Variants in C17orf113 observed in about 807,000 individuals in gnomAD.
C17orf113 encodes the protein uncharacterized protein C17orf113.
Under a neutral mutation model 11.6 loss-of-function variants are expected in C17orf113, and 5 were observed. That is an observed-to-expected ratio of 0.43 (90% CI 0.23 to 0.91). The LOEUF (loss-of-function observed/expected upper bound fraction) is 0.91, where lower values mean the gene tolerates loss of function less well. Ranked by LOEUF, C17orf113 falls within the 40% of genes least tolerant of loss-of-function variation. The probability of loss-of-function intolerance (pLI) is 0.26; values close to 1 mark genes in which losing one functional copy is unlikely to be tolerated. For synonymous variants in C17orf113, 327 were observed against 390.6 expected (o/e 0.84, Z 1.92); for missense variants, 714 against 841.3 (o/e 0.85, Z 1.87).
Position 42,041,175 on chromosome 17 carries a change from A to G in C17orf113, c.558T>C (p.Ser186=), listed in dbSNP as rs2053010773. Residue 186 remains serine, a synonymous_variant, in exon 3 of 3, where the codon AGT becomes AGC. Coordinates refer to ENST00000587304, the MANE Select transcript of C17orf113 (RefSeq NM_001358661.2). The part of the protein sequence containing the change: ...RVRDMQVAIA[S]VLHTEACQRL... Reference sequence around the variant, plus strand: ...GCTGGCAGGCCTCTGTGTGCAAGACACTGGCAATGGCCACCTGGGACAGCC... The same window carrying G: ...GCTGGCAGGCCTCTGTGTGCAAGACGCTGGCAATGGCCACCTGGGACAGCC... The G allele has an allele frequency of 8.1e-7, 1 of 1,232,502 alleles. No homozygotes were observed. Among genetic ancestry groups the G allele is most frequent in the African/African-American group, 1.5e-5 (1 of 64,562 alleles). 76.3% of individuals were successfully genotyped at this position (1,232,502 alleles called of 1,614,324 possible).
Position 42,039,966 on chromosome 17 carries a change from C to T in C17orf113, c.1767G>A (p.Glu589=). Residue 589 remains glutamate, a synonymous_variant, in exon 3 of 3, where the codon GAG becomes GAA. Transcript: ENST00000587304. ...CGAAGTCGGGGAAGAGCTCGTGCAG[C>T]TCCGAGTGCGCGCACGCCAGCTGGG... is the stretch of plus-strand genomic sequence containing the variant. ...LCTQLACAHS[E]LHELFPDFAA... 3 of 1,231,108 alleles carry T rather than the reference C, an allele frequency of 2.4e-6. No homozygotes were observed. Among genetic ancestry groups the T allele is most frequent in the Non-Finnish European group, 3.0e-6 (3 of 987,506 alleles). 76.3% of individuals were successfully genotyped at this position (1,231,108 alleles called of 1,614,324 possible). A position where few individuals can be genotyped will look rare whatever the true frequency, so the allele number is the denominator to read the frequency against.
chr17:42,045,698 C>G (rs7225117), intron 1 of C17orf113, among the ~76,000 whole-genome samples: 118,473 of 152,116 alleles, frequency 0.78, 46,874 homozygotes, highest in South Asian at 0.86. Context: ...GGTATCACCT[C>G]GATCACTGCA....
intron 2 of C17orf113, among the ~76,000 whole-genome samples, chr17:42,041,426 C>T (rs1262367858): frequency 6.6e-6 from 1 of 152,186 alleles, no homozygotes; most frequent in East Asian, 1.9e-4. Flanking sequence ...ATCCTCCCAC[C>T]CCGGCCTCCC....
chr17:42,039,605 C>G lies in C17orf113; in HGVS notation c.*100G>C. On this transcript the variant is annotated 3_prime_UTR_variant, in exon 3 of 3. Coordinates refer to ENST00000587304, the MANE Select transcript of C17orf113 (RefSeq NM_001358661.2). Reference sequence around the variant, plus strand: ...ATGGCCTCAGGCCCCTGGGAGGCTGCAGTCAGCAGATCATCTTGGGTGCAG... The same window carrying G: ...ATGGCCTCAGGCCCCTGGGAGGCTGGAGTCAGCAGATCATCTTGGGTGCAG... 1 of 1,098,358 alleles carries G rather than the reference C, an allele frequency of 9.1e-7. No homozygotes were observed. The highest frequency in any genetic ancestry group is 1.2e-6 in the Non-Finnish European group (1 of 866,678). 68.0% of individuals were successfully genotyped at this position (1,098,358 alleles called of 1,614,324 possible).
rs1055105 is a variant in C17orf113, at chr17:42,038,334, C to T, written c.*1371G>A. 5.4e-3 allele frequency: 2,248 copies of T among 418,706 alleles called. 46 individuals are homozygous for T. The highest frequency in any genetic ancestry group is 0.043 in the African/African-American group (2,078 of 48,470). 25.9% of individuals were successfully genotyped at this position (418,706 alleles called of 1,614,324 possible). A position where few individuals can be genotyped will look rare whatever the true frequency, so the allele number is the denominator to read the frequency against. On this transcript the variant is annotated 3_prime_UTR_variant, in exon 3 of 3. Coordinates refer to ENST00000587304, the MANE Select transcript of C17orf113 (RefSeq NM_001358661.2). ...CTCACTCTCTAACTATCCTCCCTCC[C>T]TCCAGATCCCCAGGATTTCATGGCC...
chr17:42,043,105 A>G lies in C17orf113; in HGVS notation c.272T>C (p.Val91Ala). The G allele has an allele frequency of 8.1e-7, 1 of 1,232,218 alleles. No individual in the cohort carries two copies. Among genetic ancestry groups the G allele is most frequent in the Non-Finnish European group, 1.0e-6 (1 of 988,014 alleles). 76.3% of individuals were successfully genotyped at this position (1,232,218 alleles called of 1,614,324 possible). A position where few individuals can be genotyped will look rare whatever the true frequency, so the allele number is the denominator to read the frequency against. ...CTCAAAAGGGGGCTGGCCCTGGTTG[A>G]CAGCCAGAGCCTGGCGGTGGGCTCC... ...TSGAHRQALA[V>A]NQGQPPFEGQ... Residue 91 changes from valine (V) to alanine (A), a missense_variant, in exon 2 of 3, where the codon GTC becomes GCC. Transcript: ENST00000587304.
At chr17:42,046,333 C>T (rs1377821408) in intron 1 of C17orf113, among the ~76,000 whole-genome samples, 1 of 152,180 alleles carries the variant, frequency 6.6e-6, no homozygotes, top group African/African-American at 2.4e-5. Context: ...TGGCTCACAC[C>T]TGTAATCTCA....
rs1013816068 is a variant in C17orf113, at chr17:42,047,854, C to T, written c.-188+2703G>A. Among the ~76,000 whole-genome samples, 8 of 151,884 alleles carry T rather than the reference C, an allele frequency of 5.3e-5. No homozygotes were observed. In the South Asian group the frequency reaches 8.3e-4, roughly 16 times the overall value. ...ATTTTTAGTAGAGACAGGGTTTCAC[C>T]GTGTTGGTCAGGCTGGTCTCGAACT... On this transcript the variant is annotated intron_variant, in intron 1 of 2. Transcript: ENST00000587304.
In C17orf113 at chr17:42,043,369, G is replaced by A; in HGVS notation, c.8C>T (p.Pro3Leu). 4 of 1,232,224 alleles carry A rather than the reference G, an allele frequency of 3.2e-6. No homozygotes were observed. Among genetic ancestry groups the A allele is most frequent in the Non-Finnish European group, 4.0e-6 (4 of 988,044 alleles). 76.3% of individuals were successfully genotyped at this position (1,232,224 alleles called of 1,614,324 possible). Residue 3 changes from proline to leucine, a missense_variant, in exon 2 of 3, where the codon CCC (proline) becomes CTC (leucine). Transcript: ENST00000587304. MVPPGKKPAGEAS... is the reference protein window; with the variant it reads MVLPGKKPAGEAS... ...CTCTCCCGCTGGTTTCTTCCCTGGGGGCACCATTCTTGCTCTCTCAGCAAG... is the reference window on the plus strand; with the variant it reads ...CTCTCCCGCTGGTTTCTTCCCTGGGAGCACCATTCTTGCTCTCTCAGCAAG...
At chr17:42,044,526 G>A (rs544181368) in intron 1 of C17orf113, among the ~76,000 whole-genome samples, 1 of 151,602 alleles carries the variant, frequency 6.6e-6, no homozygotes, top group Non-Finnish European at 1.5e-5. Flanking sequence ...TGAGGCAGGA[G>A]AATCGCTTGA....
chr17:42,040,938 C>T lies in C17orf113; in HGVS notation c.795G>A (p.Lys265=). ...GGAGGCTTGAGCTGAGCCAGGCCAG[C>T]TTGGGTGCAGATACGCCGAAAGCCT... ...ILQAFGVSAP[K]LAWLSSSLPS... is the part of the protein sequence containing the mutation. The change falls in exon 3 of 3, where the codon AAG becomes AAA. Residue 265 remains lysine (K), a synonymous_variant. Transcript: ENST00000587304. The T allele has an allele frequency of 8.1e-7, 1 of 1,232,248 alleles. No homozygotes were observed. The highest frequency in any genetic ancestry group is 1.0e-6 in the Non-Finnish European group (1 of 988,012). The allele number at this position is 1,232,248 out of a possible 1,614,324, so 76.3% of individuals were successfully genotyped here.
In C17orf113 at chr17:42,039,978, G is replaced by A. The variant is rs2143638736; in HGVS notation, c.1755C>T (p.Cys585=). Residue 585 remains cysteine, a synonymous_variant, in exon 3 of 3, where the codon TGC becomes TGT. Coordinates refer to ENST00000587304, the MANE Select transcript of C17orf113 (RefSeq NM_001358661.2). ...AGAGCTCGTGCAGCTCCGAGTGCGC[G>A]CACGCCAGCTGGGTGCACAGGGCCC... ...GPRALCTQLA[C]AHSELHELFP... The A allele has an allele frequency of 3.2e-6, 4 of 1,231,030 alleles. No individual in the cohort carries two copies. Among genetic ancestry groups the A allele is most frequent in the Admixed American group, 4.2e-5 (1 of 23,700 alleles). The allele number at this position is 1,231,030 out of a possible 1,614,324, so 76.3% of individuals were successfully genotyped here.
At chr17:42,044,197 G>T (rs2053095442) in intron 1 of C17orf113, among the ~76,000 whole-genome samples, 1 of 145,082 alleles carries the variant, frequency 6.9e-6, no homozygotes, top group Non-Finnish European at 1.5e-5. Context: ...TCTAGTCCCA[G>T]CTACTGGGGA....
chr17:42,040,715 C>T lies in C17orf113; in HGVS notation c.1018G>A (p.Asp340Asn). ...CCTGCCAAGTCAATAGCTGCAAGGTCCAGTGCTGCCCGGAGCTCAGGGACC... is the reference window on the plus strand; with the variant it reads ...CCTGCCAAGTCAATAGCTGCAAGGTTCAGTGCTGCCCGGAGCTCAGGGACC... ...HLVPELRAAL[D>N]LAAIDLAGPR... Residue 340 changes from aspartate to asparagine, a missense_variant, in exon 3 of 3, where the codon GAC becomes AAC. This residue lies in a region of C17orf113 where 516 missense variants were observed against 626.6 expected (regional missense o/e 0.82). Coordinates refer to ENST00000587304, the MANE Select transcript of C17orf113 (RefSeq NM_001358661.2). 6 of 1,232,378 alleles carry T rather than the reference C, an allele frequency of 4.9e-6. No homozygotes were observed. The highest frequency in any genetic ancestry group is 4.0e-6 in the Non-Finnish European group (4 of 988,110). 76.3% of individuals were successfully genotyped at this position (1,232,378 alleles called of 1,614,324 possible).
chr17:42,049,109 G>A (rs1195419916), intron 1 of C17orf113, among the ~76,000 whole-genome samples: 1 of 152,042 alleles, frequency 6.6e-6, no homozygotes, highest in Non-Finnish European at 1.5e-5. Context: ...CTTCTCTCTG[G>A]GTTCCTCCAG....
In C17orf113 at chr17:42,042,909, C is replaced by A; in HGVS notation, c.468G>T (p.Arg156Ser). ...DRCSALLELQRFNLCQALLGT... is the reference protein window; with the variant it reads ...DRCSALLELQSFNLCQALLGT... Reference sequence around the variant, plus strand: ...CCAGCAGTGCCTGGCACAGGTTGAACCTCTGCAGCTCGAGCAGGGCAGAGC... The same window carrying A: ...CCAGCAGTGCCTGGCACAGGTTGAAACTCTGCAGCTCGAGCAGGGCAGAGC... The change falls in exon 2 of 3, where the codon AGG becomes AGT. Residue 156 changes from arginine (R) to serine (S), a missense_variant. Physicochemically the swap from Arg to Ser is moderately radical, Grantham distance 110. Around this residue, in one of 3 missense-constraint regions of C17orf113, gnomAD observed 516 missense variants for 626.6 expected, o/e 0.82. Transcript: ENST00000587304. 8.1e-7 allele frequency: 1 copy of A among 1,232,458 alleles called. No homozygotes were observed. Among genetic ancestry groups the A allele is most frequent in the Non-Finnish European group, 1.0e-6 (1 of 988,160 alleles). The allele number at this position is 1,232,458 out of a possible 1,614,324, so 76.3% of individuals were successfully genotyped here. A position where few individuals can be genotyped will look rare whatever the true frequency, so the allele number is the denominator to read the frequency against.
At chr17:42,041,509 CTTG>C (rs1455312078) in intron 2 of C17orf113, among the ~76,000 whole-genome samples, 1 of 152,168 alleles carries the variant, frequency 6.6e-6, no homozygotes, top group Non-Finnish European at 1.5e-5. Flanking sequence ...CTTCTCAAAG[CTTG>C]TTGTGAATTA....
rs1421230876 is a variant in C17orf113 at position 42,040,654 on chromosome 17, A to G, written c.1079T>C (p.Val360Ala). ...RPVPWASLLP[V>A]VEAVAEAWPG... ...CCAGGCCTCGGCCACTGCTTCCACT[A>G]CAGGCAGCAGGGAGGCCCAGGGCAC... The change falls in exon 3 of 3, where the codon GTA becomes GCA. Residue 360 changes from valine to alanine, a missense_variant. Coordinates refer to ENST00000587304, the MANE Select transcript of C17orf113 (RefSeq NM_001358661.2). The G allele has an allele frequency of 8.1e-7, 1 of 1,232,284 alleles. No individual in the cohort carries two copies. The highest frequency in any genetic ancestry group is 1.5e-5 in the African/African-American group (1 of 64,540). The allele number at this position is 1,232,284 out of a possible 1,614,324, so 76.3% of individuals were successfully genotyped here.
chr17:42,049,698 C>T (rs2053244026), intron 1 of C17orf113, among the ~76,000 whole-genome samples: 1 of 152,244 alleles, frequency 6.6e-6, no homozygotes, highest in Non-Finnish European at 1.5e-5. Flanking sequence ...CAGATCCTTT[C>T]CATGTACATC....
Sources: allele counts gnomAD v4.1 joint callset (sites outside exome capture counted in the v4.1 genomes callset), GRCh38; gene constraint gnomAD v4.1.1; regional missense constraint gnomAD v4.1.1; transcripts MANE v1.5; gene names NCBI Gene and HGNC (gene_info 2026-07-23, HGNC 2026-07-21).